TBCD: variants seen among roughly 807,000 people sequenced by gnomAD.
TBCD encodes tubulin folding cofactor D.
In TBCD, 105 loss-of-function variants were observed where a neutral mutation model predicts 169.3. That is an observed-to-expected ratio of 0.62 (90% CI 0.53 to 0.73). TBCD has a LOEUF of 0.73. Among genes scored for constraint, TBCD ranks in the 30% least tolerant of loss-of-function variants. The probability of loss-of-function intolerance (pLI) is 0.00; values close to 1 mark genes in which losing one functional copy is unlikely to be tolerated. For missense variants in TBCD, 1,444 were observed against 1,600.1 expected (o/e 0.90, Z 1.66); for synonymous variants, 700 against 643.9 (o/e 1.09, Z -1.32).
At chr17:82,793,255 G>C (rs568686299) in intron 7 of TBCD, among the ~76,000 whole-genome samples, 1 of 152,318 alleles carries the variant, frequency 6.6e-6, no homozygotes, top group South Asian at 2.1e-4. Context: ...GTCCTGAGGG[G>C]AGTGCATTTT....
In TBCD at chr17:82,889,800, T is replaced by TAGCCACACCACATCTCACA; in HGVS notation, c.1563+103_1563+104insAGCCACACCACATCTCACA. 7.4e-7 allele frequency: 1 copy of TAGCCACACCACATCTCACA among 1,354,502 alleles called. No individual in the cohort carries two copies. Among genetic ancestry groups the TAGCCACACCACATCTCACA allele is most frequent in the Non-Finnish European group, 1.0e-6 (1 of 970,410 alleles). The allele number at this position is 1,354,502 out of a possible 1,614,324, so 83.9% of individuals were successfully genotyped here. On this transcript the variant is annotated intron_variant, in intron 16 of 38. Coordinates refer to ENST00000355528, the MANE Select transcript of TBCD (RefSeq NM_005993.5). The surrounding 1 kb of genome is among the most constrained non-coding windows in gnomAD (Gnocchi z 5.3). Reference sequence around the variant, plus strand: ...TGGTGTCTTCTCGCACTGTGAGATGTGGTGTGGCTACATCAATGCCAGGGT... The same window carrying TAGCCACACCACATCTCACA: ...TGGTGTCTTCTCGCACTGTGAGATGTAGCCACACCACATCTCACAGGTGTGGCTACATCAATGCCAGGGT...
At chr17:82,824,676 CATTT>C (rs1400439751) in intron 13 of TBCD, among the ~76,000 whole-genome samples, 5 of 152,184 alleles carry the variant, frequency 3.3e-5, no homozygotes, top group African/African-American at 9.7e-5. Flanking sequence ...TTGATCCATT[CATTT>C]GTCAGTGGAC....
chr17:82,874,668 C>T lies in TBCD; in HGVS notation c.1475+4288C>T, dbSNP rs2057840248. ...CATCCCTCCTTGGCCCACGCAGACT[C>T]CAGGCATCCGGCCGGGCGGGCTGTG... On this transcript the variant is annotated intron_variant, in intron 14 of 38. Transcript: ENST00000355528. This position sits in a 1 kb window ranked among gnomAD's most constrained non-coding sequence, Gnocchi z 5.0. 6.6e-6 allele frequency among the ~76,000 whole-genome samples: 1 copy of T among 152,302 alleles called. No homozygotes were observed.
At chr17:82,759,891 T>TG (rs976753561) in intron 2 of TBCD, among the ~76,000 whole-genome samples, 1 of 147,608 alleles carries the variant, frequency 6.8e-6, no homozygotes, top group African/African-American at 2.5e-5. Context: ...TTTGTTTGTT[T>TG]TTTTTTTTTT....
intron 13 of TBCD, among the ~76,000 whole-genome samples, chr17:82,817,888 C>T (rs755567825): frequency 2.0e-5 from 3 of 152,108 alleles, no homozygotes; most frequent in Non-Finnish European, 4.4e-5. Context: ...TTTCATTTAA[C>T]GTTTTGTTCC....
chr17:82,898,099 G>A (rs899851431), intron 17 of TBCD, among the ~76,000 whole-genome samples: 5 of 147,748 alleles, frequency 3.4e-5, no homozygotes, highest in African/African-American at 1.0e-4. Context: ...GTGAGCACAC[G>A]GCATGGCTCT....
chr17:82,939,506 C>A, intron 37 of TBCD, 30 bp downstream of exon 37: 6 of 1,557,264 alleles, frequency 3.9e-6, no homozygotes, highest in Non-Finnish European at 5.3e-6. Context: ...GCACGGCCAC[C>A]TGGGCCTGGC....
At chr17:82,839,537 A>G (rs890213796) in intron 13 of TBCD, among the ~76,000 whole-genome samples, 2 of 152,174 alleles carry the variant, frequency 1.3e-5, no homozygotes, top group African/African-American at 4.8e-5. Flanking sequence ...ATAACCCTAA[A>G]TTCACCCTAA....
chr17:82,887,471 G>A (rs370349763), intron 15 of TBCD, among the ~76,000 whole-genome samples: 7 of 152,134 alleles, frequency 4.6e-5, no homozygotes, highest in Non-Finnish European at 1.0e-4. Flanking sequence ...CGAGCGTGGT[G>A]GGTGGTGCTG....
chr17:82,809,521 G>A (rs921291922), intron 11 of TBCD, among the ~76,000 whole-genome samples, 187 bp from the exon 12 acceptor site: 3 of 152,164 alleles, frequency 2.0e-5, no homozygotes, highest in Non-Finnish European at 4.4e-5. Flanking sequence ...CTGGCTGCAG[G>A]CTCCTTTACC....
At position 82,833,679 on chromosome 17, in the gene TBCD, C is replaced by G. The variant is rs1472672412; in HGVS notation, c.1318+18745C>G. On this transcript the variant is annotated intron_variant, in intron 13 of 38. Transcript: ENST00000355528. The surrounding 1 kb of genome is among the most constrained non-coding windows in gnomAD (Gnocchi z 4.7). ...GGAAGAACCAAAGCTTTGCCACACT[C>G]CTGCCCGAGAGGAGACCAGAGTGAG... Among the ~76,000 whole-genome samples, 6 of 152,170 alleles carry G rather than the reference C, an allele frequency of 3.9e-5. No homozygotes were observed. Among genetic ancestry groups the G allele is most frequent in the Non-Finnish European group, 8.8e-5 (6 of 68,028 alleles).
At chr17:82,906,231 C>G (rs2060240380) in intron 20 of TBCD, among the ~76,000 whole-genome samples, 178 bp downstream of exon 20, 1 of 152,240 alleles carries the variant, frequency 6.6e-6, no homozygotes, top group South Asian at 2.1e-4. Flanking sequence ...GGCCCTCTCT[C>G]CTGACGGTCA....
Position 82,903,040 on chromosome 17 carries a change from C to G in TBCD, c.1731-365C>G, listed in dbSNP as rs2059994414. Among the ~76,000 whole-genome samples the G allele has an allele frequency of 6.6e-6, 1 of 152,134 alleles. No homozygotes were observed. Among genetic ancestry groups the G allele is most frequent in the Admixed American group, 6.5e-5 (1 of 15,286 alleles). ...TTTGGTGGGTGAGCCTCAGGAAATT[C>G]CTTCTGTTCACCCCTTGTAATCGTG... On this transcript the variant is annotated intron_variant, in intron 18 of 38. Transcript: ENST00000355528. This position sits in a 1 kb window ranked among gnomAD's most constrained non-coding sequence, Gnocchi z 4.8.
intron 13 of TBCD, among the ~76,000 whole-genome samples, chr17:82,837,291 G>A (rs950517737): frequency 6.6e-6 from 1 of 152,180 alleles, no homozygotes; most frequent in Non-Finnish European, 1.5e-5. Context: ...TGGGCACAGC[G>A]TTTGAAATAG....
At chr17:82,792,308 CAA>C (rs79198926) in intron 7 of TBCD, among the ~76,000 whole-genome samples, 39 of 118,960 alleles carry the variant, frequency 3.3e-4, no homozygotes, top group Middle Eastern at 4.9e-3. Context: ...ACTCCGTCTC[CAA>C]AAAAAAAAAA....
In TBCD at chr17:82,795,101, T is replaced by G. The variant is rs570691260; in HGVS notation, c.772-2656T>G. Among the ~76,000 whole-genome samples, 4 of 152,364 alleles carry G rather than the reference T, an allele frequency of 2.6e-5. No homozygotes were observed. The East Asian group carries it at 7.7e-4, about 29-fold the overall frequency. On this transcript the variant is annotated intron_variant, in intron 7 of 38. Coordinates refer to ENST00000355528, the MANE Select transcript of TBCD (RefSeq NM_005993.5). ...ACTCATCACCACTTGTATCTTAGTC[T>G]GCTGTAGAGAATGTTGTACTACACT...
rs183206911 is a variant in TBCD, at chr17:82,943,001, G to A, written c.*538G>A. On this transcript the variant is annotated 3_prime_UTR_variant, in exon 39 of 39. Transcript: ENST00000355528. Reference sequence around the variant, plus strand: ...CTGTTTCTGGGCCCGTCTGCCTGGTGGGGGTGCTGTCCTCCCCCCTGTGCA... The same window carrying A: ...CTGTTTCTGGGCCCGTCTGCCTGGTAGGGGTGCTGTCCTCCCCCCTGTGCA... 970 of 170,762 alleles carry A rather than the reference G, an allele frequency of 5.7e-3. 3 individuals are homozygous for A. Among genetic ancestry groups the A allele is most frequent in the Admixed American group, 9.1e-3 (148 of 16,338 alleles). The allele number at this position is 170,762 out of a possible 1,614,324, so 10.6% of individuals were successfully genotyped here. A position where few individuals can be genotyped will look rare whatever the true frequency, so the allele number is the denominator to read the frequency against.
At chr17:82,859,538 G>A (rs1348905110) in intron 13 of TBCD, 15 of 985,282 alleles carry the variant, frequency 1.5e-5, no homozygotes, top group African/African-American at 1.7e-5. Context: ...TGGGTGAGCA[G>A]ACACACAAGC....
chr17:82,897,458 C>T (rs1260642024), intron 17 of TBCD, among the ~76,000 whole-genome samples: 1 of 145,186 alleles, frequency 6.9e-6, no homozygotes, highest in Non-Finnish European at 1.5e-5. Context: ...GCGGAGGTTA[C>T]AGTGAGCCGA....
Sources: allele counts gnomAD v4.1 joint callset (sites outside exome capture counted in the v4.1 genomes callset), GRCh38; gene constraint gnomAD v4.1.1; non-coding constraint Gnocchi (gnomAD v3.1); transcripts MANE v1.5; gene names NCBI Gene and HGNC (gene_info 2026-07-23, HGNC 2026-07-21).